The following RAI1 variants were observed in gnomAD, a reference collection of about 807,000 sequenced individuals.
RAI1 encodes the protein retinoic acid induced 1, also known as retinoic acid-induced protein 1.
A neutral mutation model predicts 123.8 loss-of-function variants in RAI1; 9 were observed. That is an observed-to-expected ratio of 0.07 (90% CI 0.04 to 0.13). The LOEUF (loss-of-function observed/expected upper bound fraction) is 0.13. RAI1 is among the 10% of genes least tolerant of loss of function. The pLI is 1.00. For synonymous variants in RAI1, 1,231 were observed against 1,127.3 expected, an observed-to-expected ratio of 1.09 and a Z score of -1.84; for missense variants, 2,256 against 2,545.8, an observed-to-expected ratio of 0.89 and a Z score of 2.45.
intron 1 of RAI1, among the ~76,000 whole-genome samples, chr17:17,708,270 A>T (rs1238881618): frequency 6.6e-6 from 1 of 152,126 alleles, no homozygotes; most frequent in Non-Finnish European, 1.5e-5. Context: ...CCCCAGGAGG[A>T]GACCCCCTTG....
At position 17,797,972 on chromosome 17, in the gene RAI1, T is replaced by C. The variant is rs1028295492; in HGVS notation, c.5024T>C (p.Val1675Ala). Residue 1675 changes from valine (V) to alanine (A), a missense_variant, in exon 3 of 6, where the codon GTG (valine) becomes GCG (alanine). By Grantham distance (64) the Val-to-Ala change is moderately conservative. Coordinates refer to ENST00000353383, the MANE Select transcript of RAI1 (RefSeq NM_030665.4). Reference protein sequence around the residue: ...PLSSTMHLGPVVSKALSTSCL... With the variant: ...PLSSTMHLGPAVSKALSTSCL... ...TCCTCCACGATGCACTTGGGGCCTG[T>C]GGTTTCCAAGGCCCTGAGTACCTCT... 1 of 1,614,102 alleles carries C rather than the reference T, an allele frequency of 6.2e-7. No individual in the cohort carries two copies. The highest frequency in any genetic ancestry group is 8.5e-7 in the Non-Finnish European group (1 of 1,180,016).
chr17:17,683,126 T>C (rs1250250823), intron 1 of RAI1, among the ~76,000 whole-genome samples: 1 of 152,222 alleles, frequency 6.6e-6, no homozygotes, highest in Non-Finnish European at 1.5e-5. Flanking sequence ...TCAAGGGCAT[T>C]ACATCTGGTT....
At chr17:17,737,155 T>C (rs145328145) in intron 2 of RAI1, among the ~76,000 whole-genome samples, 1 of 152,268 alleles carries the variant, frequency 6.6e-6, no homozygotes, top group African/African-American at 2.4e-5. Flanking sequence ...AAGAAACAGG[T>C]CATTCTCAGA....
Position 17,724,109 on chromosome 17 carries a change from A to G in RAI1, c.-67A>G, listed in dbSNP as rs1915987580. 1 of 148,998 alleles carries G rather than the reference A, an allele frequency of 6.7e-6. No homozygotes were observed. The highest frequency in any genetic ancestry group is 1.5e-5 in the Non-Finnish European group (1 of 67,102). 9.2% of individuals were successfully genotyped at this position (148,998 alleles called of 1,614,324 possible). A position where few individuals can be genotyped will look rare whatever the true frequency, so the allele number is the denominator to read the frequency against. The stretch of plus-strand genomic sequence containing the variant: ...GAGAGAGACGGCGGGGGAAAGGGAG[A>G]CGGCGAGACGCGCAGCGCCGGCGCC... On this transcript the variant is annotated 5_prime_UTR_variant, in exon 2 of 6. Coordinates refer to ENST00000353383, the MANE Select transcript of RAI1 (RefSeq NM_030665.4).
At chr17:17,705,638 A>G (rs1021703995) in intron 1 of RAI1, among the ~76,000 whole-genome samples, 1 of 152,196 alleles carries the variant, frequency 6.6e-6, no homozygotes, top group African/African-American at 2.4e-5. Context: ...AGGCAGGAGA[A>G]TCGCTTATAC....
intron 2 of RAI1, among the ~76,000 whole-genome samples, chr17:17,748,711 C>T (rs979773422): frequency 1.3e-5 from 2 of 152,104 alleles, no homozygotes; most frequent in Non-Finnish European, 2.9e-5. Flanking sequence ...AGTGTACGCA[C>T]GCGTATGTCG....
chr17:17,724,629 C>T (rs1034809541), intron 2 of RAI1, among the ~76,000 whole-genome samples: 1 of 152,098 alleles, frequency 6.6e-6, no homozygotes, highest in Non-Finnish European at 1.5e-5. Context: ...CGCCCCGAAG[C>T]TGGTCGGACC....
rs1166766598 is a variant in RAI1, at chr17:17,755,121, C to T, written c.-17+30962C>T. Among the ~76,000 whole-genome samples, 5 of 152,226 alleles carry T rather than the reference C, an allele frequency of 3.3e-5. No homozygotes were observed. In the East Asian group the frequency reaches 9.6e-4, roughly 29 times the overall value. ...TTTAGAGGGCTCCTCTGAGCTCCCA[C>T]AGCCTGAGCCTTCCTGTCACGGTGC... On this transcript the variant is annotated intron_variant, in intron 2 of 5. Transcript: ENST00000353383.
At position 17,754,191 on chromosome 17, in the gene RAI1, C is replaced by CTTTTTTTTTTTTTTTTTTTTTTTT. The variant is rs1158475382; in HGVS notation, c.-17+30039_-17+30062dup. On this transcript the variant is annotated intron_variant, in intron 2 of 5. Coordinates refer to ENST00000353383, the MANE Select transcript of RAI1 (RefSeq NM_030665.4). Reference sequence around the variant, plus strand: ...TTTTATGCCATTCGCCTAACCCAATCTTTTTTTTTTTTTTTTTTTTTTTTT... The same window carrying CTTTTTTTTTTTTTTTTTTTTTTTT: ...TTTTATGCCATTCGCCTAACCCAATCTTTTTTTTTTTTTTTTTTTTTTTTTTTTTTTTTTTTTTTTTTTTTTTTT... Among the ~76,000 whole-genome samples, 3 of 75,720 alleles carry CTTTTTTTTTTTTTTTTTTTTTTTT rather than the reference C, an allele frequency of 4.0e-5. 1 individual carries two copies. The highest frequency in any genetic ancestry group is 1.7e-4 in the African/African-American group (3 of 17,328). 49.7% of individuals were successfully genotyped at this position (75,720 alleles called of 152,430 possible).
chr17:17,759,604 G>T (rs1048127918), intron 2 of RAI1, among the ~76,000 whole-genome samples: 1 of 151,992 alleles, frequency 6.6e-6, no homozygotes, highest in African/African-American at 2.4e-5. Flanking sequence ...CCTGCTTTTC[G>T]CCCTTCATAC....
intron 1 of RAI1, among the ~76,000 whole-genome samples, chr17:17,693,861 G>T (rs771843074): frequency 3.9e-5 from 6 of 152,166 alleles, no homozygotes; most frequent in African/African-American, 1.4e-4. Context: ...CGGGCTGGGC[G>T]GCCGGGAAGT....
At chr17:17,695,482 C>G (rs182376431) in intron 1 of RAI1, among the ~76,000 whole-genome samples, 1 of 152,180 alleles carries the variant, frequency 6.6e-6, no homozygotes, top group African/African-American at 2.4e-5. Flanking sequence ...CCCTAAGTCC[C>G]TAGTTACTAC....
chr17:17,780,688 G>C (rs542503502), intron 2 of RAI1, among the ~76,000 whole-genome samples: 70 of 152,332 alleles, frequency 4.6e-4, no homozygotes, highest in Middle Eastern at 6.8e-3. Flanking sequence ...ACACAGGAGG[G>C]GGTCAGACGG....
chr17:17,712,093 T>C (rs1311550256), intron 1 of RAI1, among the ~76,000 whole-genome samples: 2 of 152,248 alleles, frequency 1.3e-5, no homozygotes, highest in African/African-American at 4.8e-5. Flanking sequence ...ACCACCAGTT[T>C]CTAATGTCTG....
chr17:17,787,005 C>T (rs1260664041), intron 2 of RAI1, among the ~76,000 whole-genome samples: 1 of 152,232 alleles, frequency 6.6e-6, no homozygotes, highest in Admixed American at 6.5e-5. Context: ...CGCGCCATTA[C>T]ACTCTAGCCT....
chr17:17,708,481 C>T (rs1915464276), intron 1 of RAI1, among the ~76,000 whole-genome samples: 1 of 151,812 alleles, frequency 6.6e-6, no homozygotes. Flanking sequence ...ACTATGTTGC[C>T]CAATCTGGAT....
rs1029893656 is a variant in RAI1 at position 17,685,078 on chromosome 17, T to G, written c.-149+3285T>G. On this transcript the variant is annotated intron_variant, in intron 1 of 5. Transcript: ENST00000353383. The surrounding 1 kb of genome is among the most constrained non-coding windows in gnomAD (Gnocchi z 4.0). The stretch of plus-strand genomic sequence containing the variant: ...GTTGTATTGTTATTGCTGTTCTATC[T>G]CCATGGCAGCCCATGTTTGAAATGC... 10 of 152,276 alleles carry G rather than the reference T, an allele frequency of 6.6e-5. No individual in the cohort carries two copies. Among genetic ancestry groups the G allele is most frequent in the African/African-American group, 2.2e-4 (9 of 41,456 alleles). The allele number at this position is 152,276 out of a possible 1,614,324, so 9.4% of individuals were successfully genotyped here.
chr17:17,770,756 T>G (rs1391120981), intron 2 of RAI1: 1 of 152,282 alleles, frequency 6.6e-6, no homozygotes, highest in East Asian at 1.9e-4. Context: ...CGTCTTCATT[T>G]TCCCCGTTGC....
intron 2 of RAI1, among the ~76,000 whole-genome samples, chr17:17,752,540 G>A (rs544008874): frequency 6.6e-6 from 1 of 152,322 alleles, no homozygotes; most frequent in African/African-American, 2.4e-5. Context: ...CCGAACAAAG[G>A]ACGCCTCCAG....
Sources: allele counts gnomAD v4.1 joint callset (sites outside exome capture counted in the v4.1 genomes callset), GRCh38; gene constraint gnomAD v4.1.1; non-coding constraint Gnocchi (gnomAD v3.1); transcripts MANE v1.5; gene names NCBI Gene and HGNC (gene_info 2026-07-23, HGNC 2026-07-21).